The following LGALS8 variants were observed in gnomAD, a reference collection of about 807,000 sequenced individuals.
The protein encoded by LGALS8 is galectin 8.
LGALS8 carries 30 observed loss-of-function variants against 35.9 expected under a neutral mutation model. The ratio of observed to expected loss-of-function variants is 0.83; its 90% CI spans 0.62 to 1.13. The LOEUF (loss-of-function observed/expected upper bound fraction) is 1.13, where lower values mean the gene tolerates loss of function less well. Ranked by LOEUF, LGALS8 falls within the 50% of genes most tolerant of loss-of-function variation. The pLI is 0.00. For synonymous variants in LGALS8, 138 were observed against 136.1 expected (o/e 1.01, Z -0.10); for missense variants, 366 against 388.7 (o/e 0.94, Z 0.49).
rs1661830489 is a variant in LGALS8, at chr1:236,539,666, TAG to T, written c.345+580_345+581del. On this transcript the variant is annotated intron_variant, in intron 4 of 9. Coordinates refer to ENST00000366584, the MANE Select transcript of LGALS8 (RefSeq NM_201544.4). ...TCTGGCCTGTGGAGCTTGCCCACAGTAGAGGTATGTACCAACGCGAGAGAAGA... is the reference window on the plus strand; with the variant it reads ...TCTGGCCTGTGGAGCTTGCCCACAGTAGGTATGTACCAACGCGAGAGAAGA... Among the ~76,000 whole-genome samples, 3 of 152,182 alleles carry T rather than the reference TAG, an allele frequency of 2.0e-5. No individual in the cohort carries two copies. In the South Asian group the frequency reaches 6.2e-4, roughly 32 times the overall value.
At chr1:236,540,512 T>C in intron 4 of LGALS8, 52 bp from the exon 5 acceptor site, 1 of 1,458,712 alleles carries the variant, frequency 6.9e-7, no homozygotes, top group Non-Finnish European at 9.1e-7. Flanking sequence ...GTTAATTTAT[T>C]AACTGTTTTT....
chr1:236,543,056 A>G (rs201174332), intron 7 of LGALS8: 29 of 1,611,574 alleles, frequency 1.8e-5, no homozygotes, highest in East Asian at 2.2e-5. Flanking sequence ...AAGAGCACCA[A>G]ATTTTCTTAA....
intron 3 of LGALS8, 107 bp from the exon 4 acceptor site, chr1:236,538,772 T>C (rs546509384): frequency 3.8e-5 from 29 of 754,934 alleles, no homozygotes; most frequent in South Asian, 2.2e-4. Flanking sequence ...TGAGGAGGGA[T>C]TGGTCAGTCC....
Position 236,537,509 on chromosome 1 carries a change from G to A in LGALS8, c.58G>A (p.Val20Ile). The A allele has an allele frequency of 6.3e-7, 1 of 1,596,102 alleles. No individual in the cohort carries two copies. Among genetic ancestry groups the A allele is most frequent in the Non-Finnish European group, 8.6e-7 (1 of 1,163,060 alleles). Residue 20 changes from valine to isoleucine, a missense_variant, in exon 3 of 10, where the codon GTT (valine) becomes ATT (isoleucine). By Grantham distance (29) the Val-to-Ile change is conservative (BLOSUM62 3). Coordinates refer to ENST00000366584, the MANE Select transcript of LGALS8 (RefSeq NM_201544.4). ...TTTTTTTTCTTAGGTAATCCCGTTT[G>A]TTGGCACCATTCCTGATCAGCTGGA... is the stretch of plus-strand genomic sequence containing the variant. ...NIIYNPVIPF[V>I]GTIPDQLDPG...
chr1:236,528,847 G>A (rs1157157710), intron 2 of LGALS8, among the ~76,000 whole-genome samples: 1 of 152,108 alleles, frequency 6.6e-6, no homozygotes, highest in African/African-American at 2.4e-5. Flanking sequence ...GTCCACATTG[G>A]TGTTAGACCA....
chr1:236,519,822 G>A (rs1660501260), upstream of LGALS8, among the ~76,000 whole-genome samples: 1 of 152,050 alleles, frequency 6.6e-6, no homozygotes, highest in Non-Finnish European at 1.5e-5. Flanking sequence ...ACTACCCAGT[G>A]TTCTTCAAAC....
chr1:236,524,576 C>G, intron 1 of LGALS8: 1 of 377,994 alleles, frequency 2.6e-6, no homozygotes, highest in Non-Finnish European at 5.4e-6. Flanking sequence ...AAGCGCAAGT[C>G]ATGTGACTTC....
chr1:236,543,451 ATTTACAGGGTC>A (rs780940150), intron 7 of LGALS8, 98 bp from the exon 8 acceptor site: 2 of 855,518 alleles, frequency 2.3e-6, no homozygotes, highest in African/African-American at 3.3e-5. Flanking sequence ...CCCTCCTGGG[ATTTACAGGGTC>A]ATGGCTCTGA....
chr1:236,540,531 GC>G (rs1271574465), intron 4 of LGALS8, 32 bp from the exon 5 acceptor site: 8 of 1,439,610 alleles, frequency 5.6e-6, no homozygotes, highest in South Asian at 1.3e-5. Context: ...TTTTTTGGTG[GC>G]GGGGGGGGCT....
chr1:236,521,296 A>G (rs1660542714), upstream of LGALS8, among the ~76,000 whole-genome samples: 1 of 152,188 alleles, frequency 6.6e-6, no homozygotes, highest in South Asian at 2.1e-4. Context: ...GTGGTCAGGA[A>G]GGGCCCCACT....
chr1:236,546,143 T>C (rs1335245765), intron 9 of LGALS8, among the ~76,000 whole-genome samples: 1 of 152,238 alleles, frequency 6.6e-6, no homozygotes, highest in African/African-American at 2.4e-5. Flanking sequence ...AACTTCATAA[T>C]TCAAACCATA....
At chr1:236,540,472 C>T (rs537389214) in intron 4 of LGALS8, 92 bp from the exon 5 acceptor site, 33 of 1,386,448 alleles carry the variant, frequency 2.4e-5, no homozygotes, top group East Asian at 1.8e-4. Flanking sequence ...TAAAACTGGA[C>T]GCAAGGAAAC....
At chr1:236,537,021 C>CTTTTTTTTTTTTT (rs60024224) in intron 2 of LGALS8, among the ~76,000 whole-genome samples, 4,696 of 137,022 alleles carry the variant, frequency 0.034, 340 homozygotes, top group African/African-American at 0.085. Context: ...TATGCAGTTC[C>CTTTTTTTTTTTTT]TTTTTTTTTT....
chr1:236,523,412 C>G (rs1029371560), upstream of LGALS8: 2 of 154,626 alleles, frequency 1.3e-5, no homozygotes, highest in South Asian at 4.0e-4. Flanking sequence ...CAAAAAGCAG[C>G]GCCTCCAAGT....
chr1:236,519,240 AAT>A (rs1239682900), upstream of LGALS8, among the ~76,000 whole-genome samples: 4 of 151,094 alleles, frequency 2.6e-5, no homozygotes, highest in East Asian at 7.8e-4. Flanking sequence ...AAAAAAAAAA[AAT>A]TAGTCAGGCA....
At chr1:236,529,380 G>C (rs1481114835) in intron 2 of LGALS8, among the ~76,000 whole-genome samples, 1 of 151,946 alleles carries the variant, frequency 6.6e-6, no homozygotes, top group Admixed American at 6.6e-5. Context: ...TCAGGAGTTC[G>C]AGACCAGCCT....
intron 9 of LGALS8, among the ~76,000 whole-genome samples, chr1:236,546,651 G>A (rs114436331): frequency 1.4e-4 from 21 of 152,288 alleles, no homozygotes; most frequent in African/African-American, 2.6e-4. Context: ...CTGCTCACCC[G>A]GAAGCATGTC....
intron 2 of LGALS8, among the ~76,000 whole-genome samples, chr1:236,533,820 G>A (rs1213910335): frequency 2.0e-5 from 3 of 151,554 alleles, no homozygotes; most frequent in Admixed American, 6.6e-5. Context: ...ACTGTAGGAC[G>A]GTTCCCATGA....
intron 3 of LGALS8, 70 bp from the exon 4 acceptor site, chr1:236,538,809 C>A: frequency 9.5e-7 from 1 of 1,053,622 alleles, no homozygotes; most frequent in Non-Finnish European, 1.5e-6. Context: ...GAGTGTAGTG[C>A]CTGCTGGTCC....
Sources: allele counts gnomAD v4.1 joint callset (sites outside exome capture counted in the v4.1 genomes callset), GRCh38; gene constraint gnomAD v4.1.1; transcripts MANE v1.5; gene names NCBI Gene and HGNC (gene_info 2026-07-23, HGNC 2026-07-21).